PHACTR3: variants seen among roughly 807,000 people sequenced by gnomAD.
PHACTR3 encodes protein phosphatase 1, regulatory subunit 123.
PHACTR3 carries 16 observed loss-of-function variants against 66.8 expected under a neutral mutation model. The observed-to-expected ratio is 0.24, with a 90% CI of 0.16 to 0.36. PHACTR3 has a LOEUF of 0.36. PHACTR3 is among the 10% of genes least tolerant of loss of function. The pLI is 1.00. For synonymous variants in PHACTR3, 323 were observed against 292.1 expected, an observed-to-expected ratio of 1.11 and a Z score of -1.08; for missense variants, 647 against 719.9, an observed-to-expected ratio of 0.90 and a Z score of 1.16.
chr20:59,763,531 G>A (rs2040074141), intron 4 of PHACTR3, among the ~76,000 whole-genome samples: 1 of 152,204 alleles, frequency 6.6e-6, no homozygotes, highest in African/African-American at 2.4e-5. Context: ...ATTTTTTGTG[G>A]GGACCAAGAT....
At chr20:59,608,011 T>G (rs1233683970) in intron 1 of PHACTR3, among the ~76,000 whole-genome samples, 1 of 152,204 alleles carries the variant, frequency 6.6e-6, no homozygotes, top group Non-Finnish European at 1.5e-5. Context: ...CATATTTTAT[T>G]TTAATGATAT....
intron 1 of PHACTR3, among the ~76,000 whole-genome samples, chr20:59,635,839 G>A (rs771602662): frequency 3.9e-5 from 6 of 152,178 alleles, no homozygotes; most frequent in Admixed American, 6.5e-5. Context: ...CAGGGTGCTC[G>A]GTGTGCAGTG....
At chr20:59,767,468 C>T (rs2040218010) in intron 5 of PHACTR3, 73 bp downstream of exon 5, 7 of 1,448,122 alleles carry the variant, frequency 4.8e-6, no homozygotes, top group Non-Finnish European at 5.7e-6. Context: ...TACATTCATC[C>T]ACCCATCCAT....
intron 7 of PHACTR3, among the ~76,000 whole-genome samples, chr20:59,790,814 G>T (rs2041068226): frequency 6.6e-6 from 1 of 152,156 alleles, no homozygotes; most frequent in South Asian, 2.1e-4. Flanking sequence ...TTTTTTAGAG[G>T]TGAGATGTGG....
intron 8 of PHACTR3, among the ~76,000 whole-genome samples, chr20:59,819,327 G>C (rs1320680200): frequency 1.3e-5 from 2 of 151,052 alleles, no homozygotes; most frequent in Non-Finnish European, 2.9e-5. Context: ...CTATTTTCCA[G>C]ATCAGCCTGG....
intron 7 of PHACTR3, among the ~76,000 whole-genome samples, chr20:59,786,350 A>G (rs1357800240): frequency 3.3e-5 from 5 of 152,228 alleles, no homozygotes; most frequent in Admixed American, 2.0e-4. Context: ...TCTGAGAATT[A>G]CTTTGAGAAC....
Position 59,767,320 on chromosome 20 carries a change from G to A in PHACTR3, c.676G>A (p.Gly226Ser). 1 of 1,614,158 alleles carries A rather than the reference G, an allele frequency of 6.2e-7. No homozygotes were observed. Among genetic ancestry groups the A allele is most frequent in the Non-Finnish European group, 8.5e-7 (1 of 1,180,024 alleles). The change falls in exon 5 of 13, where the codon GGC becomes AGC. Residue 226 changes from glycine to serine, a missense_variant. By Grantham distance (56) the Gly-to-Ser change is moderately conservative. This residue lies in a region of PHACTR3 where 577 missense variants were observed against 571.1 expected (regional missense o/e 1.01). Coordinates refer to ENST00000371015, the MANE Select transcript of PHACTR3 (RefSeq NM_080672.5). ...SPPRPLERSVGQLPSPPLLPT... is the reference protein window; with the variant it reads ...SPPRPLERSVSQLPSPPLLPT... ...TCCCAGACCTCTGGAGAGATCCGTG[G>A]GCCAGCTCCCCAGCCCCCCACTGCT...
At chr20:59,682,697 G>A (rs2036708503) in intron 1 of PHACTR3, among the ~76,000 whole-genome samples, 1 of 152,236 alleles carries the variant, frequency 6.6e-6, no homozygotes, top group Non-Finnish European at 1.5e-5. Context: ...CGGTGAGGAA[G>A]TGAGCCATGT....
intron 12 of PHACTR3, among the ~76,000 whole-genome samples, chr20:59,846,830 A>G (rs2059159388): frequency 6.6e-6 from 1 of 152,206 alleles, no homozygotes; most frequent in South Asian, 2.1e-4. Flanking sequence ...CTACTGATTT[A>G]GCAAAGCCCT....
At chr20:59,667,347 G>A (rs1432817149) in intron 1 of PHACTR3, among the ~76,000 whole-genome samples, 2 of 152,246 alleles carry the variant, frequency 1.3e-5, no homozygotes, top group African/African-American at 2.4e-5. Context: ...CCTGCCACCT[G>A]GGCTGCTTTG....
intron 1 of PHACTR3, among the ~76,000 whole-genome samples, chr20:59,651,032 A>G (rs1169638971): frequency 6.6e-6 from 1 of 151,174 alleles, no homozygotes; most frequent in Non-Finnish European, 1.5e-5. Flanking sequence ...GAATGCATGA[A>G]TGTTGTGTGT....
At chr20:59,591,576 A>T (rs993119050) in intron 1 of PHACTR3, among the ~76,000 whole-genome samples, 4 of 151,984 alleles carry the variant, frequency 2.6e-5, no homozygotes, top group African/African-American at 9.7e-5. Context: ...GCCAGGGCAA[A>T]TTCCTTTCTT....
intron 2 of PHACTR3, among the ~76,000 whole-genome samples, chr20:59,745,767 G>C (rs2039344350): frequency 6.6e-6 from 1 of 152,224 alleles, no homozygotes; most frequent in Non-Finnish European, 1.5e-5. Context: ...GCCCTGGCAG[G>C]TGGCTCAGAT....
intron 8 of PHACTR3, among the ~76,000 whole-genome samples, chr20:59,814,168 C>T (rs1429288058): frequency 6.6e-6 from 1 of 152,150 alleles, no homozygotes; most frequent in African/African-American, 2.4e-5. Flanking sequence ...TGGGAAACGC[C>T]CCTCTGCTGC....
chr20:59,781,827 AG>A (rs1292498645), intron 7 of PHACTR3, among the ~76,000 whole-genome samples: 4 of 152,264 alleles, frequency 2.6e-5, no homozygotes, highest in African/African-American at 9.6e-5. Flanking sequence ...CAGCAAGCAC[AG>A]GGGGGTTCTA....
intron 1 of PHACTR3, among the ~76,000 whole-genome samples, chr20:59,650,752 A>C (rs200655138): frequency 7.3e-5 from 11 of 150,722 alleles, no homozygotes; most frequent in Admixed American, 2.7e-4. Context: ...AAAAAAAAAA[A>C]AAAAAAAAAG....
intron 1 of PHACTR3, among the ~76,000 whole-genome samples, chr20:59,612,360 C>CTT (rs11319260): frequency 5.0e-5 from 7 of 140,796 alleles, no homozygotes; most frequent in Non-Finnish European, 7.8e-5. Context: ...CCATCTTCAT[C>CTT]TTTTTTTTTT....
At chr20:59,609,400 C>T (rs1457553196) in intron 1 of PHACTR3, among the ~76,000 whole-genome samples, 2 of 152,122 alleles carry the variant, frequency 1.3e-5, no homozygotes, top group East Asian at 3.9e-4. Context: ...GTTCTTGACA[C>T]CTCCCTCTCC....
At chr20:59,732,064 C>G (rs1412241862) in intron 1 of PHACTR3, among the ~76,000 whole-genome samples, 1 of 152,170 alleles carries the variant, frequency 6.6e-6, no homozygotes, top group African/African-American at 2.4e-5. Flanking sequence ...AGCTAAACAA[C>G]TGAATACGAT....
Sources: gnomAD v4.1 joint callset for allele counts (sites outside exome capture counted in the v4.1 genomes callset) on GRCh38, gnomAD v4.1.1 for gene constraint, gnomAD v4.1.1 regional missense constraint, MANE v1.5 for transcripts, NCBI Gene and HGNC (gene_info 2026-07-23, HGNC 2026-07-21) for gene names.